The following ESRRG variants were observed in gnomAD, a reference collection of about 807,000 sequenced individuals.
The protein encoded by ESRRG is estrogen-related receptor gamma.
Under a neutral mutation model 44.0 loss-of-function variants are expected in ESRRG, and 13 were observed. That is an observed-to-expected ratio of 0.30 (90% confidence interval 0.19 to 0.47). The LOEUF (loss-of-function observed/expected upper bound fraction) is 0.47. ESRRG is among the 20% of genes least tolerant of loss of function. The pLI, the probability that ESRRG is intolerant of heterozygous loss-of-function variation, is 1.00. For missense variants in ESRRG, 395 were observed against 580.6 expected, an observed-to-expected ratio of 0.68 and a Z score of 3.29; for synonymous variants, 215 against 214.6, an observed-to-expected ratio of 1.00 and a Z score of -0.02.
intron 1 of ESRRG, among the ~76,000 whole-genome samples, chr1:217,128,551 C>G (rs145857298): frequency 6.6e-6 from 1 of 151,900 alleles, no homozygotes; most frequent in Admixed American, 6.6e-5. Context: ...ACAGAGGAGA[C>G]TATTTGAAAT....
chr1:216,522,664 C>T (rs2046445658), intron 5 of ESRRG, among the ~76,000 whole-genome samples: 1 of 152,058 alleles, frequency 6.6e-6, no homozygotes. Context: ...AATTATTTTA[C>T]CTTTTCTTTA....
chr1:217,112,021 C>T (rs1448586932), intron 1 of ESRRG, among the ~76,000 whole-genome samples: 1 of 152,088 alleles, frequency 6.6e-6, no homozygotes, highest in Non-Finnish European at 1.5e-5. Context: ...AGGTTGATAG[C>T]CCCACCTGAG....
chr1:217,025,516 C>G (rs2081044530), intron 1 of ESRRG, among the ~76,000 whole-genome samples: 1 of 152,130 alleles, frequency 6.6e-6, no homozygotes, highest in Admixed American at 6.5e-5. Context: ...TTTTCAAAGA[C>G]AGTGGGGAAA....
At chr1:216,986,379 G>A (rs149158723) in intron 1 of ESRRG, among the ~76,000 whole-genome samples, 3 of 152,188 alleles carry the variant, frequency 2.0e-5, no homozygotes, top group Middle Eastern at 3.4e-3. Context: ...GTATAGAGAC[G>A]TAAACATGTG....
intron 5 of ESRRG, among the ~76,000 whole-genome samples, chr1:216,525,456 T>C (rs1290122090): frequency 6.6e-6 from 1 of 152,108 alleles, no homozygotes; most frequent in Non-Finnish European, 1.5e-5. Flanking sequence ...TGTCCTTTCA[T>C]CTAAGCCAAG....
intron 5 of ESRRG, among the ~76,000 whole-genome samples, chr1:216,559,336 A>G (rs764689259): frequency 3.4e-4 from 52 of 152,346 alleles, no homozygotes; most frequent in East Asian, 5.8e-4. Context: ...AGAGGCTACA[A>G]GTGTTTTAAT....
chr1:216,990,480 A>C (rs1432386795), intron 1 of ESRRG, among the ~76,000 whole-genome samples: 4 of 152,132 alleles, frequency 2.6e-5, no homozygotes, highest in Non-Finnish European at 5.9e-5. Flanking sequence ...TTAATTTCAT[A>C]TAGTGTTGAC....
chr1:216,685,193 C>T (rs1299953430), intron 1 of ESRRG, among the ~76,000 whole-genome samples: 1 of 151,950 alleles, frequency 6.6e-6, no homozygotes, highest in African/African-American at 2.4e-5. Context: ...AGTCTAACAG[C>T]CCTAGGCAAT....
At chr1:216,572,049 C>T (rs888522060) in intron 3 of ESRRG, among the ~76,000 whole-genome samples, 3 of 152,066 alleles carry the variant, frequency 2.0e-5, no homozygotes, top group Non-Finnish European at 2.9e-5. Flanking sequence ...TTTTTCAATT[C>T]AAGTAGAAAA....
At position 217,068,058 on chromosome 1, in the gene ESRRG, G is replaced by A. The variant is rs565570836; in HGVS notation, c.-106+21449C>T. Among the ~76,000 whole-genome samples the A allele has an allele frequency of 5.9e-5, 9 of 152,194 alleles. No individual in the cohort carries two copies. The East Asian group carries it at 7.7e-4, about 13-fold the overall frequency. The stretch of plus-strand genomic sequence containing the variant: ...AGTGGGTAGGACTGCAGACAAACAC[G>A]GGACCTAAGTTTGCAAGTACAAGGT... On this transcript the variant is annotated intron_variant, in intron 1 of 7. Coordinates refer to the ESRRG transcript ENST00000359162.
At chr1:217,109,699 G>A (rs951921187) in intron 1 of ESRRG, among the ~76,000 whole-genome samples, 2 of 152,080 alleles carry the variant, frequency 1.3e-5, no homozygotes, top group South Asian at 2.1e-4. Context: ...CCTCACCAAG[G>A]GAGCTAAGTA....
At chr1:216,825,384 A>C (rs1340529684) in intron 2 of ESRRG, among the ~76,000 whole-genome samples, 1 of 152,218 alleles carries the variant, frequency 6.6e-6, no homozygotes, top group Admixed American at 6.5e-5. Context: ...GGATACAGTA[A>C]TAGGCAAATT....
chr1:216,832,751 G>A lies in ESRRG; in HGVS notation c.-14+106831C>T, dbSNP rs533469463. 1.2e-4 allele frequency among the ~76,000 whole-genome samples: 18 copies of A among 152,230 alleles called. No homozygotes were observed. In the South Asian group the frequency reaches 3.7e-3, roughly 32 times the overall value. The stretch of plus-strand genomic sequence containing the variant: ...GGCCAAGGCAGGTGGATCACCTGGG[G>A]TCAAGAGTTCGAGACCAGCCTGGCC... On this transcript the variant is annotated intron_variant, in intron 2 of 7. Transcript: ENST00000359162.
At chr1:216,659,233 C>T (rs746404991) in intron 2 of ESRRG, among the ~76,000 whole-genome samples, 5 of 152,158 alleles carry the variant, frequency 3.3e-5, no homozygotes, top group Non-Finnish European at 7.3e-5. Context: ...TAAAATAAAA[C>T]CACCTTCCTC....
intron 1 of ESRRG, among the ~76,000 whole-genome samples, chr1:217,042,635 C>T (rs1330656541): frequency 3.3e-5 from 5 of 151,916 alleles, no homozygotes; most frequent in African/African-American, 1.2e-4. Flanking sequence ...AACGTGCAAA[C>T]AGTATCGGTA....
chr1:216,878,187 C>G (rs2096386878), intron 2 of ESRRG, among the ~76,000 whole-genome samples: 1 of 152,074 alleles, frequency 6.6e-6, no homozygotes, highest in African/African-American at 2.4e-5. Flanking sequence ...AGTTTAAGCC[C>G]TAACTATGCC....
At chr1:216,556,362 A>T (rs994000176) in intron 5 of ESRRG, among the ~76,000 whole-genome samples, 17 of 152,292 alleles carry the variant, frequency 1.1e-4, no homozygotes, top group African/African-American at 4.1e-4. Context: ...TCATCCTGTC[A>T]CTTTATCGTT....
chr1:216,542,072 C>CAG (rs3040899), intron 5 of ESRRG, among the ~76,000 whole-genome samples: 9,051 of 139,834 alleles, frequency 0.065, 429 homozygotes, highest in African/African-American at 0.14. Flanking sequence ...GTGTCTATGA[C>CAG]AGAGAGAGAG....
intron 3 of ESRRG, among the ~76,000 whole-genome samples, chr1:216,617,746 CA>C (rs2061615288): frequency 6.6e-6 from 1 of 152,030 alleles, no homozygotes; most frequent in South Asian, 2.1e-4. Context: ...CATATATGTC[CA>C]AAATTAGACT....
Sources: allele counts gnomAD v4.1 joint callset (sites outside exome capture counted in the v4.1 genomes callset), GRCh38; gene constraint gnomAD v4.1.1; transcripts MANE v1.5; gene names NCBI Gene and HGNC (gene_info 2026-07-23, HGNC 2026-07-21).